The following PITPNM3 variants were observed in gnomAD, a reference collection of about 807,000 sequenced individuals.
PITPNM3 encodes the protein PITPNM family member 3.
PITPNM3 carries 26 observed loss-of-function variants against 102.0 expected under a neutral mutation model. The observed-to-expected ratio is 0.25, with a 90% CI of 0.19 to 0.35. The LOEUF (loss-of-function observed/expected upper bound fraction) is 0.35. Ranked by LOEUF, PITPNM3 falls within the 10% of genes least tolerant of loss-of-function variation. The pLI is 1.00. For synonymous variants in PITPNM3, 578 were observed against 558.6 expected (o/e 1.03, Z -0.49); for missense variants, 1,083 against 1,346.1 (o/e 0.80, Z 3.06).
chr17:6,501,897 A>G (rs2150605879), intron 4 of PITPNM3, among the ~76,000 whole-genome samples: 1 of 152,284 alleles, frequency 6.6e-6, no homozygotes, highest in Non-Finnish European at 1.5e-5. Flanking sequence ...TTTTGATGAC[A>G]TGAGCCTCTC....
intron 9 of PITPNM3, 133 bp from the exon 10 acceptor site, chr17:6,474,737 G>A: frequency 1.8e-6 from 2 of 1,125,150 alleles, no homozygotes; most frequent in Admixed American, 4.5e-5. Flanking sequence ...GGGGCTGAGA[G>A]TCCACCGGCT....
chr17:6,489,918 C>T (rs1282183281), intron 4 of PITPNM3, among the ~76,000 whole-genome samples: 3 of 151,934 alleles, frequency 2.0e-5, no homozygotes, highest in Non-Finnish European at 2.9e-5. Context: ...GCAGAAGAAT[C>T]GCTTGAACCC....
intron 14 of PITPNM3, among the ~76,000 whole-genome samples, chr17:6,465,110 T>C (rs979522675): frequency 5.3e-5 from 8 of 152,222 alleles, no homozygotes; most frequent in Admixed American, 3.3e-4. Context: ...TGGAGTGCAA[T>C]GGCGCAATCT....
At chr17:6,544,654 TCACA>T (rs754945876) in intron 1 of PITPNM3, among the ~76,000 whole-genome samples, 4 of 130,206 alleles carry the variant, frequency 3.1e-5, no homozygotes, top group South Asian at 2.7e-4. Flanking sequence ...TCTCTCTCTC[TCACA>T]CACACACACA....
At chr17:6,463,619 C>G in intron 17 of PITPNM3, 113 bp downstream of exon 17, 1 of 1,437,676 alleles carries the variant, frequency 7.0e-7, no homozygotes, top group Non-Finnish European at 9.4e-7. Flanking sequence ...CAGCTCGCAG[C>G]CCCAGAGACC....
intron 4 of PITPNM3, among the ~76,000 whole-genome samples, chr17:6,493,011 C>T (rs1182486957): frequency 3.9e-5 from 6 of 151,988 alleles, no homozygotes; most frequent in Non-Finnish European, 8.8e-5. Context: ...ACCAATCAGA[C>T]ACAGCATCTG....
At chr17:6,531,361 C>T (rs1966778) in intron 2 of PITPNM3, among the ~76,000 whole-genome samples, 1 of 152,084 alleles carries the variant, frequency 6.6e-6, no homozygotes, top group Non-Finnish European at 1.5e-5. Flanking sequence ...TTCAAAAGAC[C>T]GTTTCATTTT....
chr17:6,468,405 G>GGGAA lies in PITPNM3; in HGVS notation c.1774-65_1774-64insTTCC. 6.6e-7 allele frequency: 1 copy of GGGAA among 1,523,116 alleles called. No homozygotes were observed. Among genetic ancestry groups the GGGAA allele is most frequent in the Non-Finnish European group, 9.1e-7 (1 of 1,098,700 alleles). The allele number at this position is 1,523,116 out of a possible 1,614,324, so 94.4% of individuals were successfully genotyped here. The stretch of plus-strand genomic sequence containing the variant: ...GGCTTCTCTGCTTCCCTCCCAGGGT[G>GGGAA]TCAGTGCCCACCAGCTTGTGGCCAG... On this transcript the variant is annotated intron_variant, in intron 13 of 19. Transcript: ENST00000262483. This position sits in a 1 kb window ranked among gnomAD's most constrained non-coding sequence, Gnocchi z 5.2.
intron 6 of PITPNM3, among the ~76,000 whole-genome samples, chr17:6,483,235 C>T (rs554948554): frequency 6.6e-6 from 1 of 152,212 alleles, no homozygotes; most frequent in African/African-American, 2.4e-5. Context: ...TGAGCCACCG[C>T]ACCCGGCCAA....
intron 1 of PITPNM3, among the ~76,000 whole-genome samples, chr17:6,552,215 C>T (rs1344934053): frequency 6.6e-6 from 1 of 152,150 alleles, no homozygotes; most frequent in East Asian, 1.9e-4. Flanking sequence ...CCTGTGGCCT[C>T]GGCTCTGTCT....
intron 14 of PITPNM3, among the ~76,000 whole-genome samples, chr17:6,467,165 C>T (rs550402577): frequency 2.2e-4 from 33 of 151,662 alleles, no homozygotes; most frequent in Admixed American, 2.0e-3. Context: ...CTCCATACAA[C>T]GGAATATTAT....
intron 2 of PITPNM3, among the ~76,000 whole-genome samples, chr17:6,534,790 C>T (rs1010836505): frequency 3.3e-5 from 5 of 151,810 alleles, no homozygotes; most frequent in Admixed American, 1.3e-4. Context: ...TTGAGGTGGG[C>T]AGGGGTGGGG....
intron 6 of PITPNM3, chr17:6,479,023 G>A: frequency 2.3e-6 from 1 of 434,682 alleles, no homozygotes; most frequent in South Asian, 4.0e-5. Flanking sequence ...TCTTCTGCAT[G>A]GCCCCAAAGG....
intron 17 of PITPNM3, among the ~76,000 whole-genome samples, chr17:6,463,417 G>GGGAGGGAGGCAGGGGGGGAA (rs1904576714): frequency 5.1e-5 from 3 of 58,722 alleles, no homozygotes; most frequent in Admixed American, 3.1e-4. Context: ...CACGAGTGCA[G>GGGAGGGAGGCAGGGGGGGAA]GGAGGGAGGC....
At chr17:6,545,368 C>G (rs1044234507) in intron 1 of PITPNM3, among the ~76,000 whole-genome samples, 2 of 152,168 alleles carry the variant, frequency 1.3e-5, no homozygotes, top group Non-Finnish European at 2.9e-5. Context: ...CCCTCTCCTT[C>G]TTCTCGGGCC....
chr17:6,487,200 C>T (rs761446715), intron 4 of PITPNM3, among the ~76,000 whole-genome samples: 4 of 152,136 alleles, frequency 2.6e-5, no homozygotes, highest in South Asian at 2.1e-4. Context: ...GGATCCAGAA[C>T]GCCTGAGTTC....
intron 4 of PITPNM3, among the ~76,000 whole-genome samples, chr17:6,502,685 A>G (rs1299423470): frequency 6.6e-6 from 1 of 152,140 alleles, no homozygotes; most frequent in African/African-American, 2.4e-5. Flanking sequence ...CAGGAGAGAG[A>G]AGTCAGGAAA....
In PITPNM3 at chr17:6,472,589, G is replaced by T; in HGVS notation, c.1429+68C>A. The T allele has an allele frequency of 6.5e-7, 1 of 1,545,114 alleles. No homozygotes were observed. The highest frequency in any genetic ancestry group is 8.8e-7 in the Non-Finnish European group (1 of 1,137,226). ...GAGTCACCCTACTCACTGAGAGCTT[G>T]GAGGGGTTGAATGGGCTGGGGCCCC... is the stretch of plus-strand genomic sequence containing the variant. On this transcript the variant is annotated intron_variant, in intron 11 of 19. Transcript: ENST00000262483. This position sits in a 1 kb window ranked among gnomAD's most constrained non-coding sequence, Gnocchi z 4.1.
At chr17:6,488,367 C>T (rs894570893) in intron 4 of PITPNM3, among the ~76,000 whole-genome samples, 1 of 152,086 alleles carries the variant, frequency 6.6e-6, no homozygotes, top group Non-Finnish European at 1.5e-5. Flanking sequence ...ATGGCTATCA[C>T]CTCTAGAAAG....
Sources: allele counts gnomAD v4.1 joint callset (sites outside exome capture counted in the v4.1 genomes callset), GRCh38; gene constraint gnomAD v4.1.1; non-coding constraint Gnocchi (gnomAD v3.1); transcripts MANE v1.5; gene names NCBI Gene and HGNC (gene_info 2026-07-23, HGNC 2026-07-21).